The following GLG1 variants were observed in gnomAD, a reference collection of about 807,000 sequenced individuals.
The protein encoded by GLG1 is golgi glycoprotein 1.
GLG1 carries 38 observed loss-of-function variants against 160.5 expected under a neutral mutation model. The observed-to-expected ratio is 0.24, with a 90% CI of 0.18 to 0.31. GLG1 has a LOEUF of 0.31. Among genes scored for constraint, GLG1 ranks in the 10% least tolerant of loss-of-function variants. GLG1 has a pLI of 1.00. For missense variants in GLG1, 1,373 were observed against 1,505.2 expected (o/e 0.91, Z 1.45); for synonymous variants, 644 against 543.4 (o/e 1.19, Z -2.57).
chr16:74,555,250 T>TA (rs1198876690), intron 1 of GLG1, among the ~76,000 whole-genome samples: 1 of 152,158 alleles, frequency 6.6e-6, no homozygotes, highest in African/African-American at 2.4e-5. Context: ...TATAATCTTG[T>TA]CTTATCTAGT....
At chr16:74,512,305 A>G (rs1489602527) in intron 2 of GLG1, among the ~76,000 whole-genome samples, 1 of 151,220 alleles carries the variant, frequency 6.6e-6, no homozygotes, top group African/African-American at 2.4e-5. Flanking sequence ...TGCCCAGGCT[A>G]GAAGTACAGT....
intron 2 of GLG1, among the ~76,000 whole-genome samples, chr16:74,515,879 A>G (rs1301451286): frequency 6.7e-6 from 1 of 149,660 alleles, no homozygotes; most frequent in Non-Finnish European, 1.5e-5. Flanking sequence ...GGAAAACAAA[A>G]AAAGGCAGGG....
Position 74,480,408 on chromosome 16 carries a change from A to G in GLG1, c.1674-14T>C, listed in dbSNP as rs777310021. The G allele has an allele frequency of 1.5e-5, 24 of 1,588,296 alleles. No individual in the cohort carries two copies. The highest frequency in any genetic ancestry group is 2.0e-5 in the Non-Finnish European group (23 of 1,167,650). On this transcript the variant is annotated splice_polypyrimidine_tract_variant and intron_variant, in intron 10 of 25. Transcript: ENST00000422840. The stretch of plus-strand genomic sequence containing the variant: ...ACAGGGTCCAGCCTATAAGGTTAAG[A>G]GTTAAAAGATAACCACTAATTAATA...
chr16:74,555,411 G>A (rs1330669887), intron 1 of GLG1, among the ~76,000 whole-genome samples: 2 of 152,266 alleles, frequency 1.3e-5, no homozygotes, highest in East Asian at 3.9e-4. Flanking sequence ...TCCAGGCTGG[G>A]TGCGGTGGCT....
chr16:74,581,619 A>C (rs927012257), intron 1 of GLG1, among the ~76,000 whole-genome samples: 1 of 151,620 alleles, frequency 6.6e-6, no homozygotes, highest in African/African-American at 2.4e-5. Context: ...AAAAGGGAGG[A>C]CACTCCTGTT....
At chr16:74,562,556 T>C (rs1403263371) in intron 1 of GLG1, among the ~76,000 whole-genome samples, 1 of 152,046 alleles carries the variant, frequency 6.6e-6, no homozygotes, top group African/African-American at 2.4e-5. Flanking sequence ...ACCTCCCGGG[T>C]TCAAGCAATT....
At chr16:74,577,056 G>A (rs1236978622) in intron 1 of GLG1, among the ~76,000 whole-genome samples, 3 of 151,830 alleles carry the variant, frequency 2.0e-5, no homozygotes, top group Non-Finnish European at 4.4e-5. Context: ...CAGGCAACTA[G>A]CACCATAGGT....
chr16:74,459,350 C>A (rs866327287), intron 23 of GLG1, among the ~76,000 whole-genome samples: 17 of 152,032 alleles, frequency 1.1e-4, no homozygotes, highest in Non-Finnish European at 1.9e-4. Flanking sequence ...TGGTGGCGGG[C>A]GCCTATAGTC....
chr16:74,477,977 A>AAAACAAACAAACAAAC (rs55773213), intron 11 of GLG1, among the ~76,000 whole-genome samples: 2 of 140,148 alleles, frequency 1.4e-5, no homozygotes, highest in African/African-American at 5.2e-5. Flanking sequence ...CCGTCTCAAA[A>AAAACAAACAAACAAAC]AAATAAATAA....
chr16:74,459,578 G>T, intron 23 of GLG1, 104 bp downstream of exon 23: 3 of 675,606 alleles, frequency 4.4e-6, no homozygotes. Flanking sequence ...AGAAGGTTGA[G>T]ATTTTTGGTT....
chr16:74,485,789 A>G lies in GLG1; in HGVS notation c.1571+7T>C. 6.2e-7 allele frequency: 1 copy of G among 1,610,964 alleles called. No homozygotes were observed. Among genetic ancestry groups the G allele is most frequent in the South Asian group, 1.1e-5 (1 of 90,640 alleles). The stretch of plus-strand genomic sequence containing the variant: ...TATGGATAAATACCATGGAGAAGAT[A>G]ACTTACATTGGGTCTCCAGATCTTA... On this transcript the variant is annotated splice_region_variant and intron_variant, in intron 9 of 25. Coordinates refer to ENST00000422840, the MANE Select transcript of GLG1 (RefSeq NM_001145667.2).
At chr16:74,541,040 C>T (rs1477698807) in intron 1 of GLG1, among the ~76,000 whole-genome samples, 1 of 152,116 alleles carries the variant, frequency 6.6e-6, no homozygotes, top group East Asian at 1.9e-4. Flanking sequence ...TATAAAAATT[C>T]TTCTGCCGGG....
chr16:74,516,816 CTA>C (rs1434995522), intron 2 of GLG1, among the ~76,000 whole-genome samples: 1 of 151,680 alleles, frequency 6.6e-6, no homozygotes, highest in African/African-American at 2.4e-5. Flanking sequence ...GCTAGCAAGA[CTA>C]ATAAAGAAGA....
intron 1 of GLG1, among the ~76,000 whole-genome samples, chr16:74,586,622 C>A (rs1001148841): frequency 1.3e-5 from 2 of 152,152 alleles, no homozygotes; most frequent in Admixed American, 6.6e-5. Context: ...CTACAGGAGC[C>A]TGCCACCACG....
At chr16:74,567,118 A>G (rs1404377553) in intron 1 of GLG1, among the ~76,000 whole-genome samples, 2 of 151,992 alleles carry the variant, frequency 1.3e-5, no homozygotes, top group African/African-American at 4.8e-5. Context: ...TGAATTTTCT[A>G]TAGGAGAAAA....
chr16:74,592,544 C>G (rs186085024), intron 1 of GLG1, among the ~76,000 whole-genome samples: 14 of 151,800 alleles, frequency 9.2e-5, no homozygotes, highest in African/African-American at 3.1e-4. Context: ...CTTAAGGCAG[C>G]GAACAAAAAG....
chr16:74,506,081 A>T (rs1476567383), intron 3 of GLG1, among the ~76,000 whole-genome samples: 4 of 101,916 alleles, frequency 3.9e-5, no homozygotes, highest in South Asian at 3.5e-4. Flanking sequence ...CCTGGAAAAG[A>T]TTTTTTTTTT....
intron 5 of GLG1, among the ~76,000 whole-genome samples, chr16:74,496,034 G>A (rs2016172198): frequency 6.6e-6 from 1 of 152,100 alleles, no homozygotes. Flanking sequence ...AGAGACAGAG[G>A]GAGGAGATCA....
chr16:74,602,317 T>G (rs1328225733), intron 1 of GLG1, among the ~76,000 whole-genome samples: 1 of 152,234 alleles, frequency 6.6e-6, no homozygotes, highest in Non-Finnish European at 1.5e-5. Context: ...TTTTTCTTTT[T>G]AGTGTCAGAA....
Sources: allele counts gnomAD v4.1 joint callset (sites outside exome capture counted in the v4.1 genomes callset), GRCh38; gene constraint gnomAD v4.1.1; transcripts MANE v1.5; gene names NCBI Gene and HGNC (gene_info 2026-07-23, HGNC 2026-07-21).